ACTN2: variants seen among roughly 807,000 people sequenced by gnomAD.
ACTN2 encodes the protein actinin alpha 2.
In ACTN2, 39 loss-of-function variants were observed where a neutral mutation model predicts 113.8. The observed-to-expected ratio is 0.34, with a 90% confidence interval of 0.27 to 0.45. The LOEUF (loss-of-function observed/expected upper bound fraction) is 0.45. Among genes scored for constraint, ACTN2 ranks in the 20% least tolerant of loss-of-function variants. ACTN2 has a pLI of 1.00. For missense variants in ACTN2, 992 were observed against 1,177.9 expected (o/e 0.84, Z 2.31); for synonymous variants, 429 against 444.1 (o/e 0.97, Z 0.43).
intron 10 of ACTN2, among the ~76,000 whole-genome samples, chr1:236,741,535 A>G (rs1418302471): frequency 6.6e-6 from 1 of 151,972 alleles, no homozygotes; most frequent in East Asian, 1.9e-4. Flanking sequence ...TAAGTTGCCA[A>G]CCCCCAAACC....
chr1:236,735,189 A>G (rs1436597321), intron 7 of ACTN2, among the ~76,000 whole-genome samples: 2 of 152,182 alleles, frequency 1.3e-5, no homozygotes, highest in Admixed American at 6.5e-5. Flanking sequence ...GGAAGTGGGA[A>G]GACAGATAGC....
chr1:236,728,429 C>T (rs1458183509), intron 6 of ACTN2, among the ~76,000 whole-genome samples: 1 of 152,186 alleles, frequency 6.6e-6, no homozygotes, highest in East Asian at 1.9e-4. Flanking sequence ...AGGCGTGAGC[C>T]CCTGTGCCCG....
chr1:236,693,630 G>A (rs976822318), intron 1 of ACTN2, among the ~76,000 whole-genome samples: 5 of 152,048 alleles, frequency 3.3e-5, no homozygotes, highest in East Asian at 3.9e-4. Context: ...ACCACCTCCC[G>A]TGGAGTCCTC....
chr1:236,742,223 G>T (rs1040625336), intron 10 of ACTN2, among the ~76,000 whole-genome samples: 4 of 151,898 alleles, frequency 2.6e-5, no homozygotes, highest in African/African-American at 9.7e-5. Context: ...ATCGCTTTCC[G>T]AAATGAACTT....
intron 12 of ACTN2, among the ~76,000 whole-genome samples, chr1:236,745,421 G>A (rs909953428): frequency 7.2e-5 from 11 of 152,026 alleles, no homozygotes; most frequent in East Asian, 3.9e-4. Flanking sequence ...GCGACAGAGC[G>A]GGACTCCGTC....
intron 8 of ACTN2, 181 bp from the exon 9 acceptor site, chr1:236,736,941 G>A (rs897983515): frequency 3.1e-6 from 2 of 638,560 alleles, no homozygotes; most frequent in African/African-American, 3.6e-5. Context: ...TGTAACAAAG[G>A]TGTGAAATGA....
intron 1 of ACTN2, among the ~76,000 whole-genome samples, chr1:236,706,648 A>G (rs1298901958): frequency 1.3e-5 from 2 of 152,220 alleles, no homozygotes; most frequent in African/African-American, 4.8e-5. Context: ...TTCAGTGTCT[A>G]TATCAATGTA....
intron 1 of ACTN2, among the ~76,000 whole-genome samples, chr1:236,692,251 A>T (rs1341909526): frequency 6.6e-6 from 1 of 152,234 alleles, no homozygotes; most frequent in Non-Finnish European, 1.5e-5. Flanking sequence ...GTTCCACAGT[A>T]GGCTGTGGTA....
chr1:236,751,759 C>A, intron 15 of ACTN2, 107 bp downstream of exon 15: 4 of 1,351,162 alleles, frequency 3.0e-6, no homozygotes, highest in Non-Finnish European at 4.2e-6. Flanking sequence ...CATTTTGCAT[C>A]ATGATCAGGA....
At chr1:236,717,259 C>T (rs12138641) in intron 1 of ACTN2, among the ~76,000 whole-genome samples, 7,492 of 152,018 alleles carry the variant, frequency 0.049, 228 homozygotes, top group Middle Eastern at 0.088. Context: ...GCCTGGGCAA[C>T]ATAGCAAGAC....
intron 1 of ACTN2, among the ~76,000 whole-genome samples, chr1:236,704,262 T>C (rs1211667668): frequency 6.6e-6 from 1 of 152,204 alleles, no homozygotes; most frequent in Non-Finnish European, 1.5e-5. Context: ...TGGAAAAAAC[T>C]CAAACTGTGT....
rs1389546520 is a variant in ACTN2, at chr1:236,711,943, C to A, written c.127-5915C>A. On this transcript the variant is annotated intron_variant, in intron 1 of 20. Coordinates refer to ENST00000366578, the MANE Select transcript of ACTN2 (RefSeq NM_001103.4). ...GACATTGGCCTCTTTCTTCTGTGGT[C>A]TGTATCTGATTCAGTAAAGCAACAT... is the stretch of plus-strand genomic sequence containing the variant. Among the ~76,000 whole-genome samples the A allele has an allele frequency of 2.0e-5, 3 of 152,196 alleles. No individual in the cohort carries two copies. In the East Asian group the frequency reaches 5.8e-4, roughly 29 times the overall value.
intron 6 of ACTN2, among the ~76,000 whole-genome samples, chr1:236,730,499 C>T (rs531656051): frequency 1.3e-5 from 2 of 152,182 alleles, no homozygotes; most frequent in African/African-American, 4.8e-5. Context: ...TTCTATCTTA[C>T]CTCCATTTCT....
intron 1 of ACTN2, among the ~76,000 whole-genome samples, chr1:236,695,341 G>A (rs1657456845): frequency 7.1e-6 from 1 of 140,524 alleles, no homozygotes; most frequent in Admixed American, 7.7e-5. Context: ...TCATGCCACT[G>A]CACCCCAGCA....
Position 236,762,664 on chromosome 1 carries a change from G to A in ACTN2, c.*45G>A. On this transcript the variant is annotated 3_prime_UTR_variant, in exon 21 of 21. Coordinates refer to ENST00000366578, the MANE Select transcript of ACTN2 (RefSeq NM_001103.4). ...CTCATCCCATCAGAATGCAATAAAAGCGGAAGTCACAGTTTGTTTCCTGGA... is the reference window on the plus strand; with the variant it reads ...CTCATCCCATCAGAATGCAATAAAAACGGAAGTCACAGTTTGTTTCCTGGA... The A allele has an allele frequency of 6.2e-7, 1 of 1,600,610 alleles. No homozygotes were observed. The highest frequency in any genetic ancestry group is 8.5e-7 in the Non-Finnish European group (1 of 1,172,700).
chr1:236,761,217 A>G (rs1659699355), intron 20 of ACTN2, 44 bp downstream of exon 20: 3 of 1,610,550 alleles, frequency 1.9e-6, no homozygotes, highest in Non-Finnish European at 8.5e-7. Context: ...GGAGTCCACT[A>G]CATCCTTCTA....
intron 4 of ACTN2, among the ~76,000 whole-genome samples, chr1:236,720,798 G>T (rs772696817): frequency 2.0e-5 from 3 of 151,974 alleles, no homozygotes; most frequent in Non-Finnish European, 2.9e-5. Flanking sequence ...GTTGAAAAGT[G>T]TCAAATTGGC....
In ACTN2 at chr1:236,719,113, T is replaced by A. The variant is rs532583106; in HGVS notation, c.361+100T>A. 2.5e-4 allele frequency: 373 copies of A among 1,520,110 alleles called. 1 individual carries two copies. The African/African-American group carries it at 4.7e-3, about 19-fold the overall frequency. 94.2% of individuals were successfully genotyped at this position (1,520,110 alleles called of 1,614,324 possible). A position where few individuals can be genotyped will look rare whatever the true frequency, so the allele number is the denominator to read the frequency against. ...CCCCTTCTTCCCTCCCTTTCACCAT[T>A]TACTGTACCTGCCTTGTATCAGGCT... On this transcript the variant is annotated intron_variant, in intron 3 of 20. Transcript: ENST00000366578.
intron 1 of ACTN2, among the ~76,000 whole-genome samples, chr1:236,716,603 A>T (rs549592383): frequency 2.0e-5 from 3 of 152,194 alleles, no homozygotes; most frequent in African/African-American, 7.2e-5. Flanking sequence ...GTCACCTTTG[A>T]GATCCAGGAT....
Sources: allele counts gnomAD v4.1 joint callset (sites outside exome capture counted in the v4.1 genomes callset), GRCh38; gene constraint gnomAD v4.1.1; transcripts MANE v1.5; gene names NCBI Gene and HGNC (gene_info 2026-07-23, HGNC 2026-07-21).